JAK1: variants seen among roughly 807,000 people sequenced by gnomAD.
JAK1 encodes Janus kinase 1.
In JAK1, 16 loss-of-function variants were observed where a neutral mutation model predicts 136.6. The ratio of observed to expected loss-of-function variants is 0.12; its 90% CI spans 0.08 to 0.18. The LOEUF is 0.18. Ranked by LOEUF, JAK1 falls within the 10% of genes least tolerant of loss-of-function variation. The pLI is 1.00. For missense variants in JAK1, 859 were observed against 1,450.1 expected, an observed-to-expected ratio of 0.59 and a Z score of 6.62; for synonymous variants, 492 against 519.5, an observed-to-expected ratio of 0.95 and a Z score of 0.72.
chr1:64,962,545 C>A (rs759645943), intron 1 of JAK1, among the ~76,000 whole-genome samples: 1 of 152,124 alleles, frequency 6.6e-6, no homozygotes, highest in Non-Finnish European at 1.5e-5. Flanking sequence ...CCTTAAACTG[C>A]CAAGAAGGCT....
At chr1:64,972,165 A>G (rs567446882) in intron 2 of JAK1, 2 of 152,244 alleles carry the variant, frequency 1.3e-5, no homozygotes, top group Non-Finnish European at 2.9e-5. Flanking sequence ...CCCCCTACCT[A>G]CTCTTCCACA....
chr1:64,840,334 C>G (rs1654812713), intron 19 of JAK1, among the ~76,000 whole-genome samples: 1 of 152,172 alleles, frequency 6.6e-6, no homozygotes, highest in Non-Finnish European at 1.5e-5. Context: ...ATGCTTCTGA[C>G]AATGCCTGGC....
intron 1 of JAK1, among the ~76,000 whole-genome samples, chr1:64,933,541 C>T (rs1645734856): frequency 6.6e-6 from 1 of 152,214 alleles, no homozygotes; most frequent in South Asian, 2.1e-4. Flanking sequence ...ATACTACCTG[C>T]CTCTCGTCTG....
At chr1:65,000,438 G>A (rs1646744927) in intron 2 of JAK1, among the ~76,000 whole-genome samples, 1 of 151,802 alleles carries the variant, frequency 6.6e-6, no homozygotes, top group Admixed American at 6.6e-5. Flanking sequence ...AGGAGGTCAA[G>A]GCTGCAGTGA....
chr1:64,947,350 C>T (rs975595863), intron 1 of JAK1, among the ~76,000 whole-genome samples: 4 of 152,188 alleles, frequency 2.6e-5, no homozygotes, highest in Non-Finnish European at 5.9e-5. Flanking sequence ...CCACCTGACC[C>T]CCATCCATGC....
chr1:64,982,862 A>ACAGTC (rs1557742130), intron 2 of JAK1, among the ~76,000 whole-genome samples: 2 of 152,310 alleles, frequency 1.3e-5, no homozygotes, highest in South Asian at 2.1e-4. Flanking sequence ...GAAAATATTC[A>ACAGTC]CAGTCTGGTC....
chr1:64,855,219 T>C (rs1655850714), intron 11 of JAK1, among the ~76,000 whole-genome samples: 1 of 152,208 alleles, frequency 6.6e-6, no homozygotes, highest in Non-Finnish European at 1.5e-5. Flanking sequence ...CCTCAAGGCA[T>C]TTTATCTTAA....
At chr1:64,979,185 G>C (rs1335619433) in intron 2 of JAK1, among the ~76,000 whole-genome samples, 1 of 152,108 alleles carries the variant, frequency 6.6e-6, no homozygotes, top group East Asian at 1.9e-4. Flanking sequence ...CACTTGAGGA[G>C]TTTAAGACCA....
At chr1:64,881,353 C>G (rs76680611) in intron 3 of JAK1, among the ~76,000 whole-genome samples, 4,532 of 151,704 alleles carry the variant, frequency 0.03, 212 homozygotes, top group African/African-American at 0.1. Flanking sequence ...GACCATCTTG[C>G]AGACAAAGAA....
chr1:65,027,042 C>T (rs1380729850), intron 2 of JAK1, among the ~76,000 whole-genome samples: 1 of 151,592 alleles, frequency 6.6e-6, no homozygotes, highest in East Asian at 1.9e-4. Flanking sequence ...TATCTGGAAA[C>T]TTTTGGGGTT....
At chr1:65,030,916 G>A (rs1647017337) in intron 2 of JAK1, among the ~76,000 whole-genome samples, 1 of 152,144 alleles carries the variant, frequency 6.6e-6, no homozygotes, top group South Asian at 2.1e-4. Context: ...GACTTTGGGG[G>A]GCAGAGGTGG....
intron 1 of JAK1, among the ~76,000 whole-genome samples, chr1:64,934,568 A>G (rs537776200): frequency 1.3e-5 from 2 of 152,318 alleles, no homozygotes; most frequent in South Asian, 2.1e-4. Flanking sequence ...GTGGACCCAC[A>G]AGAGTGCCCC....
intron 1 of JAK1, among the ~76,000 whole-genome samples, chr1:64,939,470 T>C (rs907074493): frequency 2.0e-5 from 3 of 152,252 alleles, no homozygotes; most frequent in African/African-American, 4.8e-5. Flanking sequence ...GCGGAAAGCA[T>C]GGCTTACTGG....
intron 2 of JAK1, among the ~76,000 whole-genome samples, chr1:65,016,772 C>T (rs1459988865): frequency 6.6e-6 from 1 of 152,066 alleles, no homozygotes; most frequent in African/African-American, 2.4e-5. Context: ...GTGGCAGGCA[C>T]CTGTAATCCC....
At chr1:64,912,394 C>T (rs1367700362) in intron 1 of JAK1, among the ~76,000 whole-genome samples, 2 of 152,204 alleles carry the variant, frequency 1.3e-5, no homozygotes, top group Admixed American at 6.5e-5. Context: ...CTCTACAGTG[C>T]AGTAGCATCC....
At chr1:64,940,736 C>T (rs1042091784) in intron 1 of JAK1, among the ~76,000 whole-genome samples, 18 of 152,180 alleles carry the variant, frequency 1.2e-4, no homozygotes, top group African/African-American at 4.3e-4. Context: ...TTATGCTATG[C>T]TCCATAAACA....
At chr1:64,901,091 T>A in intron 1 of JAK1, among the ~76,000 whole-genome samples, 1 of 152,210 alleles carries the variant, frequency 6.6e-6, no homozygotes, top group East Asian at 1.9e-4. Flanking sequence ...TTGAGCACCC[T>A]GAGGGCAGGG....
intron 2 of JAK1, among the ~76,000 whole-genome samples, chr1:65,011,759 A>G (rs535533880): frequency 1.3e-5 from 2 of 152,172 alleles, no homozygotes; most frequent in Non-Finnish European, 2.9e-5. Context: ...TTCCTGTTCT[A>G]GTGGATGGCA....
chr1:65,048,427 C>T (rs1557773998), intron 1 of JAK1, among the ~76,000 whole-genome samples: 1 of 152,120 alleles, frequency 6.6e-6, no homozygotes, highest in Non-Finnish European at 1.5e-5. Context: ...AAAAATAAGG[C>T]AGTATTTCTC....
Sources: allele counts gnomAD v4.1 joint callset (sites outside exome capture counted in the v4.1 genomes callset), GRCh38; gene constraint gnomAD v4.1.1; transcripts MANE v1.5; gene names NCBI Gene and HGNC (gene_info 2026-07-23, HGNC 2026-07-21).